Variants in PHACTR3 observed in about 807,000 individuals in gnomAD.
The protein encoded by PHACTR3 is protein phosphatase 1, regulatory subunit 123.
In PHACTR3, 16 loss-of-function variants were observed where a neutral mutation model predicts 66.8. The observed-to-expected ratio is 0.24, with a 90% CI of 0.16 to 0.36. The LOEUF is 0.36. Ranked by LOEUF, PHACTR3 falls within the 10% of genes least tolerant of loss-of-function variation. The probability of loss-of-function intolerance (pLI) is 1.00; values close to 1 mark genes in which losing one functional copy is unlikely to be tolerated. For missense variants in PHACTR3, 647 were observed against 719.9 expected (o/e 0.90, Z 1.16); for synonymous variants, 323 against 292.1 (o/e 1.11, Z -1.08).
At chr20:59,617,893 A>G (rs965488131) in intron 1 of PHACTR3, among the ~76,000 whole-genome samples, 1 of 152,238 alleles carries the variant, frequency 6.6e-6, no homozygotes, top group Non-Finnish European at 1.5e-5. Context: ...ATAGCGCAGC[A>G]AACCGACCTG....
intron 1 of PHACTR3, among the ~76,000 whole-genome samples, chr20:59,608,746 C>T (rs2033751361): frequency 6.6e-6 from 1 of 152,232 alleles, no homozygotes; most frequent in Non-Finnish European, 1.5e-5. Context: ...GCTCTGAGCT[C>T]CAGACCTCTG....
intron 1 of PHACTR3, among the ~76,000 whole-genome samples, chr20:59,681,312 G>A (rs2036638255): frequency 6.6e-6 from 1 of 152,194 alleles, no homozygotes; most frequent in Non-Finnish European, 1.5e-5. Context: ...AGGACATGCA[G>A]CAAGACGTTA....
chr20:59,771,785 A>G (rs77378212), intron 5 of PHACTR3, among the ~76,000 whole-genome samples: 2,752 of 152,334 alleles, frequency 0.018, 74 homozygotes, highest in African/African-American at 0.063. Flanking sequence ...CGAAATAACT[A>G]AAGTCCTCCA....
chr20:59,818,563 C>T (rs2041946214), intron 8 of PHACTR3, among the ~76,000 whole-genome samples: 1 of 152,208 alleles, frequency 6.6e-6, no homozygotes, highest in South Asian at 2.1e-4. Context: ...ATTTTCCTCA[C>T]TCCAAAAAGA....
At chr20:59,595,486 A>T (rs1397222292) in intron 1 of PHACTR3, among the ~76,000 whole-genome samples, 1 of 152,168 alleles carries the variant, frequency 6.6e-6, no homozygotes, top group Non-Finnish European at 1.5e-5. Context: ...TGTTAATGTG[A>T]ATTTTGTGTC....
At chr20:59,615,735 A>G (rs2146353797) in intron 1 of PHACTR3, among the ~76,000 whole-genome samples, 1 of 152,300 alleles carries the variant, frequency 6.6e-6, no homozygotes, top group Admixed American at 6.5e-5. Context: ...TGGTGAAGAT[A>G]CATGGGACCT....
At chr20:59,771,375 G>A (rs992230371) in intron 5 of PHACTR3, among the ~76,000 whole-genome samples, 3 of 152,136 alleles carry the variant, frequency 2.0e-5, no homozygotes, top group South Asian at 2.1e-4. Flanking sequence ...AGAGGACAGC[G>A]CAGTGTGCAG....
At chr20:59,735,092 A>G (rs957700140) in intron 1 of PHACTR3, among the ~76,000 whole-genome samples, 1 of 152,062 alleles carries the variant, frequency 6.6e-6, no homozygotes, top group African/African-American at 2.4e-5. Context: ...GTCTCCACGT[A>G]TTGGTGTTAC....
intron 1 of PHACTR3, among the ~76,000 whole-genome samples, chr20:59,742,424 G>A (rs2039199307): frequency 1.3e-5 from 2 of 152,204 alleles, no homozygotes; most frequent in Non-Finnish European, 2.9e-5. Flanking sequence ...CATGGACAAG[G>A]AAGGGGTCCA....
intron 4 of PHACTR3, among the ~76,000 whole-genome samples, chr20:59,761,235 C>A (rs1024370975): frequency 3.3e-5 from 5 of 152,030 alleles, no homozygotes; most frequent in Non-Finnish European, 5.9e-5. Context: ...CCTCCCTGTG[C>A]CCTGCTCCTG....
Position 59,738,067 on chromosome 20 carries a change from G to C in PHACTR3, c.119-5040G>C, listed in dbSNP as rs1480950551. ...GTCCTGGCAGTGATGGTGGTAGGGAGGGGGAGGCGCCACTGCCCCTCCTGC... is the reference window on the plus strand; with the variant it reads ...GTCCTGGCAGTGATGGTGGTAGGGACGGGGAGGCGCCACTGCCCCTCCTGC... On this transcript the variant is annotated intron_variant, in intron 1 of 12. Transcript: ENST00000371015. The surrounding 1 kb of genome is among the most constrained non-coding windows in gnomAD (Gnocchi z 4.4). 6.6e-6 allele frequency among the ~76,000 whole-genome samples: 1 copy of C among 152,092 alleles called. No homozygotes were observed. Among genetic ancestry groups the C allele is most frequent in the Non-Finnish European group, 1.5e-5 (1 of 68,010 alleles).
chr20:59,622,592 C>T (rs946949728), intron 1 of PHACTR3, among the ~76,000 whole-genome samples: 1 of 152,110 alleles, frequency 6.6e-6, no homozygotes. Flanking sequence ...GTGCCTGCTG[C>T]GAGGGGTGCT....
upstream of PHACTR3, among the ~76,000 whole-genome samples, chr20:59,603,307 G>A (rs1361057081): frequency 2.0e-5 from 3 of 152,112 alleles, no homozygotes; most frequent in African/African-American, 7.2e-5. Context: ...CTAATGCCTG[G>A]TGTGGTGCCT....
chr20:59,780,671 A>AG (rs1422793924), intron 7 of PHACTR3, among the ~76,000 whole-genome samples: 2 of 152,162 alleles, frequency 1.3e-5, no homozygotes, highest in Non-Finnish European at 2.9e-5. Context: ...GGAATGTCAC[A>AG]GGGAGGGCTG....
At chr20:59,623,591 G>A (rs2034339690) in intron 1 of PHACTR3, among the ~76,000 whole-genome samples, 1 of 152,200 alleles carries the variant, frequency 6.6e-6, no homozygotes, top group South Asian at 2.1e-4. Context: ...GCTAGCCCCT[G>A]TTCTGTGCCT....
intron 1 of PHACTR3, among the ~76,000 whole-genome samples, chr20:59,592,118 CA>C (rs2033200996): frequency 1.3e-5 from 2 of 152,066 alleles, no homozygotes; most frequent in African/African-American, 4.8e-5. Context: ...AACAGTGTAT[CA>C]CAGCAGCTGC....
intron 5 of PHACTR3, among the ~76,000 whole-genome samples, chr20:59,771,144 G>C (rs1484958562): frequency 6.6e-6 from 1 of 152,234 alleles, no homozygotes; most frequent in Non-Finnish European, 1.5e-5. Context: ...TGGGATCCCA[G>C]CTCCACCAAG....
intron 7 of PHACTR3, among the ~76,000 whole-genome samples, chr20:59,792,679 A>AT (rs1191922541): frequency 6.6e-6 from 1 of 152,126 alleles, no homozygotes; most frequent in Non-Finnish European, 1.5e-5. Flanking sequence ...GATGTTGAGC[A>AT]TTTTTTCATA....
intron 1 of PHACTR3, among the ~76,000 whole-genome samples, chr20:59,685,387 G>T (rs370961909): frequency 5.3e-5 from 8 of 152,288 alleles, no homozygotes; most frequent in Admixed American, 3.9e-4. Context: ...TACCAGCCTG[G>T]GTTTGAACCC....
Sources: gnomAD v4.1 joint callset for allele counts (sites outside exome capture counted in the v4.1 genomes callset) on GRCh38, gnomAD v4.1.1 for gene constraint, Gnocchi (gnomAD v3.1) non-coding constraint, MANE v1.5 for transcripts, NCBI Gene and HGNC (gene_info 2026-07-23, HGNC 2026-07-21) for gene names.